RBFOX1: variants seen among roughly 807,000 people sequenced by gnomAD.
The protein encoded by RBFOX1 is RNA binding protein fox-1 homolog 1.
A neutral mutation model predicts 57.7 loss-of-function variants in RBFOX1; 8 were observed. That is an observed-to-expected ratio of 0.14 (90% CI 0.08 to 0.25). The LOEUF is 0.25. Among genes scored for constraint, RBFOX1 ranks in the 10% least tolerant of loss-of-function variants. The pLI, the probability that RBFOX1 is intolerant of heterozygous loss-of-function variation, is 1.00. For synonymous variants in RBFOX1, 326 were observed against 222.4 expected, an observed-to-expected ratio of 1.47 and a Z score of -4.15; for missense variants, 611 against 548.5, an observed-to-expected ratio of 1.11 and a Z score of -1.14.
chr16:5,766,831 C>T (rs1166025391), intron 3 of RBFOX1, among the ~76,000 whole-genome samples: 1 of 152,198 alleles, frequency 6.6e-6, no homozygotes, highest in Non-Finnish European at 1.5e-5. Context: ...TCTATCCCTC[C>T]CCACCAAATC....
intron 3 of RBFOX1, among the ~76,000 whole-genome samples, chr16:6,731,734 C>T (rs2068658359): frequency 6.6e-6 from 1 of 151,990 alleles, no homozygotes; most frequent in South Asian, 2.1e-4. Context: ...GCTTCTTAGT[C>T]CATCCTTTAT....
intron 4 of RBFOX1, among the ~76,000 whole-genome samples, chr16:5,983,503 G>A (rs770792812): frequency 1.3e-5 from 2 of 152,164 alleles, no homozygotes; most frequent in African/African-American, 4.8e-5. Flanking sequence ...GGTACGGTGG[G>A]GTAGGCGGGG....
chr16:7,421,113 A>G (rs1478055117), intron 4 of RBFOX1, among the ~76,000 whole-genome samples: 1 of 152,014 alleles, frequency 6.6e-6, no homozygotes, highest in Non-Finnish European at 1.5e-5. Flanking sequence ...TTTTCTTGCT[A>G]CAGGTTGGGC....
chr16:5,366,405 C>T, intron 1 of RBFOX1: 1 of 435,034 alleles, frequency 2.3e-6, no homozygotes, highest in Non-Finnish European at 4.4e-6. Flanking sequence ...TGAGATACTC[C>T]AGCCAAAAAT....
chr16:6,600,818 GATAGA>G (rs1567833064), intron 2 of RBFOX1, among the ~76,000 whole-genome samples: 1 of 144,732 alleles, frequency 6.9e-6, no homozygotes, highest in Non-Finnish European at 1.6e-5. Flanking sequence ...AGAAAAAAAA[GATAGA>G]AAAAAAATCC....
At position 5,946,811 on chromosome 16, in the gene RBFOX1, C is replaced by T. The variant is rs901734666; in HGVS notation, c.351+79476C>T. Among the ~76,000 whole-genome samples, 2 of 152,162 alleles carry T rather than the reference C, an allele frequency of 1.3e-5. No homozygotes were observed. Among genetic ancestry groups the T allele is most frequent in the Admixed American group, 1.3e-4 (2 of 15,278 alleles). ...ATCATGTCAGAATTGAACTGTAGGA[C>T]ACCCAGTTGGTGATGGCAGAGATTT... On this transcript the variant is annotated intron_variant, in intron 4 of 19. Coordinates refer to the RBFOX1 transcript ENST00000641259. This position sits in a 1 kb window ranked among gnomAD's most constrained non-coding sequence, Gnocchi z 4.6.
At chr16:7,090,052 G>T (rs2060573686) in intron 4 of RBFOX1, among the ~76,000 whole-genome samples, 1 of 152,092 alleles carries the variant, frequency 6.6e-6, no homozygotes, top group South Asian at 2.1e-4. Flanking sequence ...TTTTAATGCA[G>T]AGGTTCTGCT....
At chr16:6,411,600 T>A (rs1355411599) in intron 2 of RBFOX1, among the ~76,000 whole-genome samples, 1 of 152,180 alleles carries the variant, frequency 6.6e-6, no homozygotes, top group Non-Finnish European at 1.5e-5. Context: ...TTAATTAAAT[T>A]TGAAAATAGA....
intron 4 of RBFOX1, among the ~76,000 whole-genome samples, chr16:7,248,688 A>T (rs2153006347): frequency 6.6e-6 from 1 of 152,324 alleles, no homozygotes; most frequent in Non-Finnish European, 1.5e-5. Flanking sequence ...GCAGATAAGC[A>T]CCAAGAAAAT....
intron 1 of RBFOX1, among the ~76,000 whole-genome samples, chr16:6,316,051 G>A (rs1054387734): frequency 6.6e-6 from 1 of 152,124 alleles, no homozygotes; most frequent in African/African-American, 2.4e-5. Flanking sequence ...GAGTCTTGGC[G>A]TAAATTGTAC....
At chr16:6,955,689 G>GTATGTATT (rs764676268) in intron 3 of RBFOX1, among the ~76,000 whole-genome samples, 43 of 118,720 alleles carry the variant, frequency 3.6e-4, no homozygotes, top group Middle Eastern at 0.01. Context: ...AGGTATGTAT[G>GTATGTATT]TATTTATTTA....
rs181668482 is a variant in RBFOX1 at position 5,620,357 on chromosome 16, A to G, written c.318+21396A>G. On this transcript the variant is annotated intron_variant, in intron 3 of 19. Coordinates refer to the RBFOX1 transcript ENST00000641259. Reference sequence around the variant, plus strand: ...GGAGAGACATCACATTGTTGCCTCTATACAGCATAGCAAGATCTGAGGTTG... The same window carrying G: ...GGAGAGACATCACATTGTTGCCTCTGTACAGCATAGCAAGATCTGAGGTTG... Among the ~76,000 whole-genome samples the G allele has an allele frequency of 8.5e-4, 130 of 152,322 alleles. 1 individual carries two copies. The highest frequency in any genetic ancestry group is 4.2e-3 in the Admixed American group (65 of 15,304).
intron 3 of RBFOX1, among the ~76,000 whole-genome samples, chr16:6,972,117 C>G (rs902965813): frequency 6.6e-6 from 1 of 152,188 alleles, no homozygotes; most frequent in Non-Finnish European, 1.5e-5. Flanking sequence ...CACACAACAT[C>G]TAACCATCTT....
In RBFOX1 at chr16:7,075,048, G is replaced by A. The variant is rs1322797087; in HGVS notation, c.27+22950G>A. Among the ~76,000 whole-genome samples, 8 of 152,090 alleles carry A rather than the reference G, an allele frequency of 5.3e-5. No homozygotes were observed. In the East Asian group the frequency reaches 7.7e-4, roughly 15 times the overall value. Reference sequence around the variant, plus strand: ...AAGGGGCAAAGGAACTCCCCAAAGCGTAAAAGCAACATACGGCAAATTCGA... The same window carrying A: ...AAGGGGCAAAGGAACTCCCCAAAGCATAAAAGCAACATACGGCAAATTCGA... On this transcript the variant is annotated intron_variant, in intron 4 of 15. Transcript: ENST00000550418.
chr16:7,007,296 C>T (rs914449696), intron 3 of RBFOX1, among the ~76,000 whole-genome samples: 3 of 152,188 alleles, frequency 2.0e-5, no homozygotes, highest in Non-Finnish European at 2.9e-5. Flanking sequence ...TCATAGTCAG[C>T]AATGGTACGA....
chr16:7,240,203 G>A (rs974759247), intron 4 of RBFOX1, among the ~76,000 whole-genome samples: 1 of 152,110 alleles, frequency 6.6e-6, no homozygotes, highest in East Asian at 1.9e-4. Flanking sequence ...CTGACCTCAG[G>A]TGATCCTCCC....
Position 5,839,739 on chromosome 16 carries a change from A to C in RBFOX1, c.319-27564A>C, listed in dbSNP as rs575932171. On this transcript the variant is annotated intron_variant, in intron 3 of 19. Coordinates refer to the RBFOX1 transcript ENST00000641259. ...GTTACAAGATGGCTGCCATTGCTCC[A>C]GGCATCACAACCTCCCACTGTGTTT... 7.4e-3 allele frequency among the ~76,000 whole-genome samples: 1,130 copies of C among 152,260 alleles called. 12 individuals are homozygous for C. Among genetic ancestry groups the C allele is most frequent in the African/African-American group, 0.026 (1,082 of 41,560 alleles).
intron 3 of RBFOX1, among the ~76,000 whole-genome samples, chr16:7,029,358 C>T (rs1207156011): frequency 6.7e-6 from 1 of 149,450 alleles, no homozygotes; most frequent in Non-Finnish European, 1.5e-5. Flanking sequence ...AGCTCTTTGG[C>T]CCTGATAGAA....
chr16:7,348,819 G>C (rs2097070366), intron 4 of RBFOX1, among the ~76,000 whole-genome samples: 1 of 152,116 alleles, frequency 6.6e-6, no homozygotes, highest in Non-Finnish European at 1.5e-5. Flanking sequence ...GCACGTGCTT[G>C]TAATCCCAGC....
Sources: gnomAD v4.1 joint callset for allele counts (sites outside exome capture counted in the v4.1 genomes callset) on GRCh38, gnomAD v4.1.1 for gene constraint, Gnocchi (gnomAD v3.1) non-coding constraint, MANE v1.5 for transcripts, NCBI Gene and HGNC (gene_info 2026-07-23, HGNC 2026-07-21) for gene names.